FBN3: variants seen among roughly 807,000 people sequenced by gnomAD.
The protein encoded by FBN3 is fibrillin 3.
FBN3 carries 234 observed loss-of-function variants against 330.1 expected under a neutral mutation model. The observed-to-expected ratio is 0.71, with a 90% CI of 0.64 to 0.79. The LOEUF is 0.79. Ranked by LOEUF, FBN3 falls within the 30% of genes least tolerant of loss-of-function variation. FBN3 has a pLI of 0.00. For synonymous variants in FBN3, 1,458 were observed against 1,517.3 expected, an observed-to-expected ratio of 0.96 and a Z score of 0.91; for missense variants, 3,606 against 3,886.9, an observed-to-expected ratio of 0.93 and a Z score of 1.92.
rs182476013 is a variant in FBN3 at position 8,126,027 on chromosome 19, G to A, written c.2606-10C>T. 682 of 1,613,928 alleles carry A rather than the reference G, an allele frequency of 4.2e-4. No individual in the cohort carries two copies. The highest frequency in any genetic ancestry group is 1.4e-3 in the Admixed American group (83 of 59,968). On this transcript the variant is annotated splice_polypyrimidine_tract_variant and intron_variant, in intron 21 of 63. Transcript: ENST00000600128. ...TCACACTCGTTCACATCTGGGTAAG[G>A]AGGAGGGAAAGCCGGAGGGTCCAGG...
chr19:8,085,220 GACACACACAC>G (rs35473068), intron 56 of FBN3, 133 bp downstream of exon 56: 950 of 545,064 alleles, frequency 1.7e-3, no homozygotes, highest in African/African-American at 2.7e-3. Context: ...CTAGCACAAA[GACACACACAC>G]ACACACACAC....
At chr19:8,135,137 C>G (rs891751369) in intron 13 of FBN3, among the ~76,000 whole-genome samples, 6 of 151,020 alleles carry the variant, frequency 4.0e-5, no homozygotes, top group Non-Finnish European at 5.9e-5. Flanking sequence ...TGCCACCATG[C>G]CAGGCTAATT....
intron 13 of FBN3, 25 bp downstream of exon 13, chr19:8,135,936 G>GGGGGGGGGGGGCCCCCCCCCCCCC: frequency 1.8e-5 from 12 of 668,712 alleles, no homozygotes; most frequent in Middle Eastern, 4.8e-4. Flanking sequence ...GGAAGCCCCT[G>GGGGGGGGGGGGCCCCCCCCCCCCC]CCCACCCGCC....
chr19:8,116,908 T>C, intron 28 of FBN3, 109 bp from the exon 29 acceptor site: 1 of 1,379,940 alleles, frequency 7.2e-7, no homozygotes, highest in South Asian at 1.3e-5. Context: ...AGGATAGCGA[T>C]GGTCACTCGA....
At chr19:8,125,359 AGATGAGATTGCGCC>A (rs1262322919) in intron 22 of FBN3, among the ~76,000 whole-genome samples, 1 of 152,062 alleles carries the variant, frequency 6.6e-6, no homozygotes. Context: ...AGTTGTAGTG[AGATGAGATTGCGCC>A]ACTGCACTCC....
intron 63 of FBN3, among the ~76,000 whole-genome samples, chr19:8,070,300 G>A (rs1449720892): frequency 6.6e-6 from 1 of 152,146 alleles, no homozygotes; most frequent in Non-Finnish European, 1.5e-5. Context: ...TATTTGTCAT[G>A]TGTTATAAAA....
At chr19:8,090,275 C>T (rs2082065005) in intron 48 of FBN3, 24 bp from the exon 49 acceptor site, 2 of 1,612,740 alleles carry the variant, frequency 1.2e-6, no homozygotes, top group African/African-American at 1.3e-5. Context: ...GCTCCATTAC[C>T]CTGATTGAAA....
At chr19:8,127,064 T>TG (rs979297926) in intron 18 of FBN3, among the ~76,000 whole-genome samples, 4 of 148,396 alleles carry the variant, frequency 2.7e-5, no homozygotes. Context: ...TTTTTGTTTT[T>TG]TTTTTTTTTT....
rs767230582 is a variant in FBN3, at chr19:8,126,009, C to T, written c.2614G>A (p.Glu872Lys). Residue 872 changes from glutamate (E) to lysine (K), a missense_variant, in exon 22 of 64, where the codon GAG (glutamate) becomes AAG (lysine). Physicochemically the swap from Glu to Lys is moderately conservative, Grantham distance 56. Coordinates refer to ENST00000600128, the MANE Select transcript of FBN3 (RefSeq NM_032447.5). ...CAGACTCCCGGGAAGGACTCACACT[C>T]GTTCACATCTGGGTAAGGAGGAGGG... ...MTGVTCDDVNECESFPGVCPN... is the reference protein window; with the variant it reads ...MTGVTCDDVNKCESFPGVCPN... The T allele has an allele frequency of 5.0e-6, 8 of 1,613,884 alleles. No homozygotes were observed. The highest frequency in any genetic ancestry group is 1.1e-5 in the South Asian group (1 of 91,074).
chr19:8,107,044 A>C (rs941656992), intron 37 of FBN3, among the ~76,000 whole-genome samples: 1 of 150,694 alleles, frequency 6.6e-6, no homozygotes, highest in Non-Finnish European at 1.5e-5. Context: ...GAATGGATGG[A>C]TACAAGGATA....
At position 8,147,372 on chromosome 19, in the gene FBN3, A is replaced by C. The variant is rs747591189; in HGVS notation, c.109T>G (p.Leu37Val). 6.2e-7 allele frequency: 1 copy of C among 1,601,710 alleles called. No individual in the cohort carries two copies. The highest frequency in any genetic ancestry group is 8.5e-7 in the Non-Finnish European group (1 of 1,176,000). ...ACACGTCCAGGACCTGCAGCCTCCA[A>C]GGCCCCGTCCCAGCGGCCTTGGCCA... Reference protein sequence around the residue: ...AGGQGRWDGALEAAGPGRVRR... With the variant: ...AGGQGRWDGAVEAAGPGRVRR... Residue 37 changes from leucine to valine, a missense_variant, in exon 2 of 64, where the codon TTG becomes GTG. By Grantham distance (32) the Leu-to-Val change is conservative. Transcript: ENST00000600128.
In FBN3 at chr19:8,126,512, G is replaced by A. The variant is rs775757491; in HGVS notation, c.2510C>T (p.Thr837Ile). ...GGGGCTCCCCCAGGCTGCCCCGAGG[G>A]TGGCGCAGCACTCAGACCGCAGGCT... ...GASLRSECCA[T>I]LGAAWGSPCE... is the part of the protein sequence containing the mutation. Residue 837 changes from threonine to isoleucine, a missense_variant, in exon 20 of 64, where the codon ACC (threonine) becomes ATC (isoleucine). Physicochemically the swap from Thr to Ile is moderately conservative, Grantham distance 89 (BLOSUM62 -1). Transcript: ENST00000600128. 8 of 1,613,422 alleles carry A rather than the reference G, an allele frequency of 5.0e-6. No homozygotes were observed. Among genetic ancestry groups the A allele is most frequent in the Non-Finnish European group, 5.9e-6 (7 of 1,179,840 alleles).
chr19:8,139,024 G>C (rs1051053211), intron 8 of FBN3, among the ~76,000 whole-genome samples: 1 of 150,734 alleles, frequency 6.6e-6, no homozygotes, highest in South Asian at 2.1e-4. Context: ...ACTGCACTCC[G>C]GCCTGGGCAA....
intron 56 of FBN3, 27 bp downstream of exon 56, chr19:8,085,335 TG>T (rs2081914796): frequency 6.5e-7 from 1 of 1,545,702 alleles, no homozygotes; most frequent in Non-Finnish European, 8.7e-7. Flanking sequence ...CTTGCCTCCC[TG>T]GGGGTCCTGA....
rs767569715 is a variant in FBN3 at position 8,096,439 on chromosome 19, C to T, written c.5539+5G>A. 15 of 1,612,496 alleles carry T rather than the reference C, an allele frequency of 9.3e-6. No individual in the cohort carries two copies. The highest frequency in any genetic ancestry group is 5.3e-5 in the African/African-American group (4 of 74,862). On this transcript the variant is annotated splice_donor_5th_base_variant and intron_variant, in intron 44 of 63. Coordinates refer to ENST00000600128, the MANE Select transcript of FBN3 (RefSeq NM_032447.5). The surrounding 1 kb of genome is among the most constrained non-coding windows in gnomAD (Gnocchi z 4.6). ...TGAAAAGGAGGGGGAAGATAAGGGT[C>T]TCACCCATGCACAGGGTCTGGTCTG...
chr19:8,091,435 C>A, intron 48 of FBN3, 30 bp downstream of exon 48: 6 of 1,611,812 alleles, frequency 3.7e-6, no homozygotes, highest in Non-Finnish European at 5.1e-6. Flanking sequence ...CCACTTCCCA[C>A]CCTCTTCCCT....
rs2081616599 is a variant in FBN3 at position 8,075,364 on chromosome 19, G to A, written c.7501C>T (p.His2501Tyr). 1 of 1,614,074 alleles carries A rather than the reference G, an allele frequency of 6.2e-7. No homozygotes were observed. Among genetic ancestry groups the A allele is most frequent in the Admixed American group, 1.7e-5 (1 of 60,012 alleles). The change falls in exon 60 of 64, where the codon CAC becomes TAC. Residue 2501 changes from histidine (H) to tyrosine (Y), a missense_variant. Transcript: ENST00000600128. ...AAGCTGCCCGGGGTGTTGTGGCAGTGCCCGTGGGCACCACATGGGCCAGGC... is the reference window on the plus strand; with the variant it reads ...AAGCTGCCCGGGGTGTTGTGGCAGTACCCGTGGGCACCACATGGGCCAGGC... Reference protein sequence around the residue: ...AQPGPCGAHGHCHNTPGSFRC... With the variant: ...AQPGPCGAHGYCHNTPGSFRC...
Position 8,115,513 on chromosome 19 carries a change from A to G in FBN3, c.3838+2T>C. 2.5e-6 allele frequency: 4 copies of G among 1,613,700 alleles called. No individual in the cohort carries two copies. The highest frequency in any genetic ancestry group is 3.4e-6 in the Non-Finnish European group (4 of 1,179,972). ...TGCCTGCACCGCTGACCGCCGGCTCACCAGAGCAGCCTGTGGCCCCCTTCC... is the reference window on the plus strand; with the variant it reads ...TGCCTGCACCGCTGACCGCCGGCTCGCCAGAGCAGCCTGTGGCCCCCTTCC... On this transcript the variant is annotated splice_donor_variant, in intron 30 of 63. Transcript: ENST00000600128. LOFTEE classifies it high-confidence loss of function.
chr19:8,076,247 C>CATGTGTGTGTGTGTGTGTGTGTGTGTGT (rs60725609), intron 59 of FBN3, among the ~76,000 whole-genome samples: 1 of 147,646 alleles, frequency 6.8e-6, no homozygotes, highest in Non-Finnish European at 1.5e-5. Flanking sequence ...TGTCCGTGTG[C>CATGTGTGTGTGTGTGTGTGTGTGTGTGT]GTGTGTGTGT....
Sources: gnomAD v4.1 joint callset for allele counts (sites outside exome capture counted in the v4.1 genomes callset) on GRCh38, gnomAD v4.1.1 for gene constraint, Gnocchi (gnomAD v3.1) non-coding constraint, MANE v1.5 for transcripts, NCBI Gene and HGNC (gene_info 2026-07-23, HGNC 2026-07-21) for gene names.